The following SCN7A variants were observed in gnomAD, a reference collection of about 807,000 sequenced individuals.
SCN7A encodes sodium channel protein type 7 subunit alpha.
Under a neutral mutation model 155.2 loss-of-function variants are expected in SCN7A, and 138 were observed. The ratio of observed to expected loss-of-function variants is 0.89; its 90% CI spans 0.77 to 1.02. SCN7A has a LOEUF of 1.02. Ranked by LOEUF, SCN7A falls within the 50% of genes least tolerant of loss-of-function variation. SCN7A has a pLI of 0.00. For missense variants in SCN7A, 2,058 were observed against 1,986.6 expected (o/e 1.04, Z -0.68); for synonymous variants, 693 against 649.0 (o/e 1.07, Z -1.03).
intron 17 of SCN7A, among the ~76,000 whole-genome samples, chr2:166,428,548 G>T (rs1432896505): frequency 6.6e-6 from 1 of 151,912 alleles, no homozygotes; most frequent in South Asian, 2.1e-4. Flanking sequence ...TGGCCAAAAG[G>T]GTTAGCAAAA....
In SCN7A at chr2:166,407,004, C is replaced by A. The variant is rs377689726; in HGVS notation, c.3983-358G>T. On this transcript the variant is annotated intron_variant, in intron 25 of 25. Coordinates refer to ENST00000643258, the MANE Select transcript of SCN7A (RefSeq NM_002976.4). ...TTGGATTAAGAAACTTAGTTCCATG[C>A]AATCTTTATTGAATGCCCAATAAAT... Among the ~76,000 whole-genome samples, 8 of 152,088 alleles carry A rather than the reference C, an allele frequency of 5.3e-5. No homozygotes were observed. In the South Asian group the frequency reaches 1.2e-3, roughly 24 times the overall value.
intron 5 of SCN7A, among the ~76,000 whole-genome samples, chr2:166,473,525 G>T (rs896691986): frequency 2.0e-5 from 3 of 151,546 alleles, no homozygotes; most frequent in Non-Finnish European, 3.0e-5. Context: ...TCCTAGGAAA[G>T]AGAGGAATAG....
rs1157861570 is a variant in SCN7A, at chr2:166,470,697, TATA to T, written c.579_581del (p.Ile194del). 2 of 1,606,656 alleles carry T rather than the reference TATA, an allele frequency of 1.2e-6. No individual in the cohort carries two copies. Among genetic ancestry groups the T allele is most frequent in the Non-Finnish European group, 1.7e-6 (2 of 1,175,728 alleles). On this transcript the variant is annotated inframe_deletion, in exon 7 of 26. Coordinates refer to ENST00000643258, the MANE Select transcript of SCN7A (RefSeq NM_002976.4). ...GAATGAAGTCCAGAGGTGAGTATCT[TATA>T]ATAACCCTGTGGAATTAAATTAGAG...
At chr2:166,438,648 C>T (rs1701888476) in intron 15 of SCN7A, among the ~76,000 whole-genome samples, 1 of 152,128 alleles carries the variant, frequency 6.6e-6, no homozygotes, top group Non-Finnish European at 1.5e-5. Flanking sequence ...GAAATGTCTT[C>T]CTTTTACACC....
At chr2:166,426,093 A>C (rs2105399833) in intron 18 of SCN7A, among the ~76,000 whole-genome samples, 1 of 152,182 alleles carries the variant, frequency 6.6e-6, no homozygotes, top group South Asian at 2.1e-4. Flanking sequence ...TGTGCCTCCT[A>C]CTCTAAGAAA....
intron 20 of SCN7A, among the ~76,000 whole-genome samples, chr2:166,418,060 AATAAT>A (rs1382357679): frequency 1.3e-5 from 2 of 151,558 alleles, no homozygotes; most frequent in East Asian, 3.8e-4. Context: ...TATCTAATAT[AATAAT>A]ATAATAGTTT....
chr2:166,416,126 C>G (rs1701371221), intron 21 of SCN7A, among the ~76,000 whole-genome samples: 1 of 152,106 alleles, frequency 6.6e-6, no homozygotes, highest in African/African-American at 2.4e-5. Flanking sequence ...TACCCTCAGG[C>G]TTACTAGGAT....
intron 12 of SCN7A, among the ~76,000 whole-genome samples, chr2:166,445,673 G>A (rs937065714): frequency 6.6e-6 from 1 of 151,736 alleles, no homozygotes; most frequent in African/African-American, 2.4e-5. Flanking sequence ...ATCTCGGTGT[G>A]AGACAACTAA....
At chr2:166,465,608 G>A (rs1351950054) in intron 8 of SCN7A, 77 bp from the exon 9 acceptor site, 1 of 1,266,404 alleles carries the variant, frequency 7.9e-7, no homozygotes, top group Non-Finnish European at 1.1e-6. Flanking sequence ...TTGGATCTCT[G>A]CAGAAGCTAA....
intron 15 of SCN7A, among the ~76,000 whole-genome samples, chr2:166,438,517 A>T (rs1232903450): frequency 6.6e-6 from 1 of 152,172 alleles, no homozygotes; most frequent in Admixed American, 6.5e-5. Context: ...AGACAGAACT[A>T]TTTAAAAACC....
intron 20 of SCN7A, among the ~76,000 whole-genome samples, chr2:166,420,458 T>C (rs1475845852): frequency 1.3e-5 from 2 of 152,094 alleles, no homozygotes; most frequent in Non-Finnish European, 2.9e-5. Flanking sequence ...ATTCTCCCAT[T>C]TCTGTATACA....
At chr2:166,472,042 C>A (rs1702669962) in intron 6 of SCN7A, among the ~76,000 whole-genome samples, 1 of 151,768 alleles carries the variant, frequency 6.6e-6, no homozygotes, top group South Asian at 2.1e-4. Context: ...ATACATTTGC[C>A]ATGTTGGTGT....
rs1408453942 is a variant in SCN7A at position 166,441,290 on chromosome 2, G to A, written c.2157+106C>T. ...ATCTGGCTAGTGGGTTACTCTATTG[G>A]ACTACCACAGTTACAGACCATTAGA... is the stretch of plus-strand genomic sequence containing the variant. On this transcript the variant is annotated intron_variant, in intron 15 of 25. Transcript: ENST00000643258. 5.4e-6 allele frequency: 4 copies of A among 743,784 alleles called. No homozygotes were observed. In the Admixed American group the frequency reaches 1.2e-4, roughly 22 times the overall value. 46.1% of individuals were successfully genotyped at this position (743,784 alleles called of 1,614,324 possible).
Position 166,456,881 on chromosome 2 carries a change from C to G in SCN7A, c.1279G>C (p.Glu427Gln). 1 of 1,531,826 alleles carries G rather than the reference C, an allele frequency of 6.5e-7. No homozygotes were observed. The highest frequency in any genetic ancestry group is 8.8e-7 in the Non-Finnish European group (1 of 1,131,206). The allele number at this position is 1,531,826 out of a possible 1,614,324, so 94.9% of individuals were successfully genotyped here. A position where few individuals can be genotyped will look rare whatever the true frequency, so the allele number is the denominator to read the frequency against. ...ATAGATATAGATACCTCATCTGTTTCATTTCCTTCTTGAAGTTCTTTTCCA... is the reference window on the plus strand; with the variant it reads ...ATAGATATAGATACCTCATCTGTTTGATTTCCTTCTTGAAGTTCTTTTCCA... ...QTGKELQEGN[E>Q]TDEAKTIQIE... The change falls in exon 11 of 26, where the codon GAA (glutamate) becomes CAA (glutamine). Residue 427 changes from glutamate to glutamine, a missense_variant. Glu to Gln is a conservative substitution (Grantham distance 29). Transcript: ENST00000643258.
rs557787367 is a variant in SCN7A at position 166,477,337 on chromosome 2, A to C, written c.234+126T>G. On this transcript the variant is annotated intron_variant, in intron 3 of 25. Transcript: ENST00000643258. ...AATGAGATATCTTATGTCGTTCTGT[A>C]AAATTTAAAATCAGATCTTTCCCTG... 5.0e-5 allele frequency: 37 copies of C among 733,072 alleles called. No individual in the cohort carries two copies. In the South Asian group the frequency reaches 8.1e-4, roughly 16 times the overall value. The allele number at this position is 733,072 out of a possible 1,614,324, so 45.4% of individuals were successfully genotyped here. A position where few individuals can be genotyped will look rare whatever the true frequency, so the allele number is the denominator to read the frequency against.
intron 21 of SCN7A, among the ~76,000 whole-genome samples, chr2:166,414,312 A>G (rs1220810995): frequency 8.0e-5 from 7 of 87,670 alleles, no homozygotes; most frequent in African/African-American, 3.4e-4. Context: ...ATATATATAT[A>G]CACATATATA....
At chr2:166,436,808 T>A (rs532214581) in intron 15 of SCN7A, among the ~76,000 whole-genome samples, 2 of 152,346 alleles carry the variant, frequency 1.3e-5, no homozygotes, top group South Asian at 4.1e-4. Flanking sequence ...CCTTTAGCTG[T>A]GCTTTAGCAA....
chr2:166,464,517 T>C (rs562346327), intron 9 of SCN7A, among the ~76,000 whole-genome samples: 3 of 152,344 alleles, frequency 2.0e-5, no homozygotes, highest in Admixed American at 6.5e-5. Context: ...TTAAGAATTA[T>C]TTTGAAATGC....
chr2:166,464,669 A>G (rs999746494), intron 9 of SCN7A, among the ~76,000 whole-genome samples: 1 of 152,162 alleles, frequency 6.6e-6, no homozygotes, highest in Non-Finnish European at 1.5e-5. Flanking sequence ...GGTTGGCCTC[A>G]AACATGCAGC....
Sources: gnomAD v4.1 joint callset for allele counts (sites outside exome capture counted in the v4.1 genomes callset) on GRCh38, gnomAD v4.1.1 for gene constraint, MANE v1.5 for transcripts, NCBI Gene and HGNC (gene_info 2026-07-23, HGNC 2026-07-21) for gene names.